ADAM12: variants seen among roughly 807,000 people sequenced by gnomAD.
ADAM12 encodes the protein ADAM metallopeptidase domain 12, also known as disintegrin and metalloproteinase domain-containing protein 12.
Under a neutral mutation model 106.4 loss-of-function variants are expected in ADAM12, and 70 were observed. The ratio of observed to expected loss-of-function variants is 0.66; its 90% CI spans 0.54 to 0.80. The LOEUF (loss-of-function observed/expected upper bound fraction) is 0.80, where lower values mean the gene tolerates loss of function less well. Among genes scored for constraint, ADAM12 ranks in the 30% least tolerant of loss-of-function variants. ADAM12 has a pLI of 0.00. For missense variants in ADAM12, 1,010 were observed against 1,171.9 expected (o/e 0.86, Z 2.02); for synonymous variants, 420 against 433.5 (o/e 0.97, Z 0.39).
chr10:126,207,764 C>T (rs1957822929), intron 3 of ADAM12, among the ~76,000 whole-genome samples: 1 of 152,142 alleles, frequency 6.6e-6, no homozygotes, highest in Non-Finnish European at 1.5e-5. Flanking sequence ...AATGGTTGCT[C>T]GAACACCAAT....
chr10:126,327,482 G>C (rs192431943), intron 2 of ADAM12, among the ~76,000 whole-genome samples: 1 of 152,140 alleles, frequency 6.6e-6, no homozygotes, highest in East Asian at 1.9e-4. Context: ...TTCTGGCAGG[G>C]CACAGTGGTT....
At chr10:126,028,742 T>C (rs1404306381) in intron 21 of ADAM12, among the ~76,000 whole-genome samples, 4 of 152,082 alleles carry the variant, frequency 2.6e-5, no homozygotes, top group African/African-American at 9.7e-5. Context: ...GACATAGGCA[T>C]GCGAAAAGAT....
chr10:126,098,250 A>G (rs993472816), intron 10 of ADAM12, among the ~76,000 whole-genome samples, 166 bp downstream of exon 10: 3 of 152,274 alleles, frequency 2.0e-5, no homozygotes, highest in Admixed American at 1.3e-4. Context: ...AATGGTTCCT[A>G]AAACACTGTG....
At chr10:126,231,122 A>G (rs1030506119) in intron 3 of ADAM12, among the ~76,000 whole-genome samples, 2 of 152,212 alleles carry the variant, frequency 1.3e-5, no homozygotes, top group African/African-American at 4.8e-5. Context: ...TGCCTGCCAT[A>G]TACTGTAAAT....
At chr10:126,178,468 A>G (rs553316911) in intron 3 of ADAM12, among the ~76,000 whole-genome samples, 2 of 146,424 alleles carry the variant, frequency 1.4e-5, no homozygotes, top group East Asian at 3.9e-4. Context: ...ATAAGTAGCA[A>G]TTGAAACATT....
chr10:126,323,112 C>G (rs1466130360), intron 2 of ADAM12, among the ~76,000 whole-genome samples: 1 of 152,148 alleles, frequency 6.6e-6, no homozygotes, highest in Non-Finnish European at 1.5e-5. Context: ...ATGATGATAT[C>G]TATTCCACAG....
At chr10:126,329,066 G>T (rs1336148563) in intron 2 of ADAM12, among the ~76,000 whole-genome samples, 1 of 151,842 alleles carries the variant, frequency 6.6e-6, no homozygotes, top group African/African-American at 2.4e-5. Context: ...TCCAGGGAAG[G>T]TTGTCAGAAA....
chr10:126,138,009 C>T (rs1956437842), intron 4 of ADAM12, among the ~76,000 whole-genome samples: 1 of 152,332 alleles, frequency 6.6e-6, no homozygotes, highest in South Asian at 2.1e-4. Context: ...ATTTTACATT[C>T]CTGTGAGCAT....
chr10:126,253,806 G>A (rs954833416), intron 3 of ADAM12, among the ~76,000 whole-genome samples: 14 of 152,210 alleles, frequency 9.2e-5, no homozygotes, highest in African/African-American at 3.1e-4. Flanking sequence ...TGCGGTTCTT[G>A]CCTGGCCTGA....
chr10:126,381,360 C>A (rs1293973116), intron 1 of ADAM12, among the ~76,000 whole-genome samples: 1 of 151,844 alleles, frequency 6.6e-6, no homozygotes, highest in Non-Finnish European at 1.5e-5. Flanking sequence ...TAATAGGCTG[C>A]GTACCATGGT....
intron 3 of ADAM12, among the ~76,000 whole-genome samples, chr10:126,196,083 G>A (rs569254028): frequency 2.0e-5 from 3 of 152,228 alleles, no homozygotes; most frequent in Non-Finnish European, 4.4e-5. Context: ...TGGGGTAACT[G>A]CAACAGAGAC....
At position 126,101,233 on chromosome 10, in the gene ADAM12, T is replaced by A; in HGVS notation, c.750A>T (p.Arg250Ser). 6.2e-7 allele frequency: 1 copy of A among 1,612,640 alleles called. No individual in the cohort carries two copies. Among genetic ancestry groups the A allele is most frequent in the South Asian group, 1.1e-5 (1 of 90,694 alleles). The change falls in exon 9 of 23, where the codon AGA becomes AGT. Residue 250 changes from arginine to serine, a missense_variant. Transcript: ENST00000448723. ...EIANHVDKFY[R>S]PLNIRIVLVG... ...CCAACACGATCCGAATGTTCAGTGG[T>A]CTGTAAAACTGGGCAAAACAGGCAA...
intron 3 of ADAM12, among the ~76,000 whole-genome samples, chr10:126,251,896 GGGATGGATAGGAT>G (rs1958779252): frequency 9.8e-6 from 1 of 102,094 alleles, no homozygotes; most frequent in Non-Finnish European, 2.1e-5. Flanking sequence ...ATGGATGGAT[GGGATGGATAGGAT>G]GGATGGATGG....
intron 21 of ADAM12, among the ~76,000 whole-genome samples, chr10:126,025,820 C>G (rs1330969401): frequency 6.6e-6 from 1 of 152,146 alleles, no homozygotes; most frequent in East Asian, 1.9e-4. Flanking sequence ...AGGTAAGATA[C>G]TCCATGAGAA....
chr10:126,381,934 C>T (rs142547482), intron 1 of ADAM12, among the ~76,000 whole-genome samples: 193 of 151,016 alleles, frequency 1.3e-3, no homozygotes, highest in African/African-American at 4.6e-3. Flanking sequence ...ATGATTGCAC[C>T]ACTGTACATC....
chr10:126,173,997 A>G (rs1957169831), intron 3 of ADAM12, among the ~76,000 whole-genome samples: 1 of 138,588 alleles, frequency 7.2e-6, no homozygotes, highest in African/African-American at 2.9e-5. Context: ...ATCCAGATTC[A>G]TCTGTTGTTG....
Position 126,039,365 on chromosome 10 carries a change from C to G in ADAM12, c.2169G>C (p.Val723=). The G allele has an allele frequency of 6.2e-7, 1 of 1,614,046 alleles. No homozygotes were observed. Among genetic ancestry groups the G allele is most frequent in the Non-Finnish European group, 8.5e-7 (1 of 1,179,976 alleles). ...TILCLLAAGF[V]VYLKRKTLIR... ...TCAAGGTCTTCCTTTTGAGATAAAC[C>G]ACAAATCCGGCAGCAAGAAGACACA... The change falls in exon 19 of 23, where the codon GTG becomes GTC. Residue 723 remains valine, a synonymous_variant. Transcript: ENST00000448723.
intron 3 of ADAM12, among the ~76,000 whole-genome samples, chr10:126,235,589 G>A (rs927454643): frequency 2.0e-5 from 3 of 152,108 alleles, no homozygotes; most frequent in East Asian, 3.9e-4. Flanking sequence ...GGGGCTGTTG[G>A]AAAGGCAGCA....
intron 13 of ADAM12, 125 bp from the exon 14 acceptor site, chr10:126,065,126 A>T: frequency 1.0e-6 from 1 of 1,001,270 alleles, no homozygotes; most frequent in South Asian, 1.7e-5. Context: ...ATTTCAAAGG[A>T]AGTTGCTTCT....
Sources: allele counts gnomAD v4.1 joint callset (sites outside exome capture counted in the v4.1 genomes callset), GRCh38; gene constraint gnomAD v4.1.1; transcripts MANE v1.5; gene names NCBI Gene and HGNC (gene_info 2026-07-23, HGNC 2026-07-21).